PRAMEF15: variants seen among roughly 807,000 people sequenced by gnomAD.
PRAMEF15 encodes PRAME family member 9/15.
A neutral mutation model predicts 35.3 loss-of-function variants in PRAMEF15; 21 were observed. The ratio of observed to expected loss-of-function variants is 0.59; its 90% CI spans 0.42 to 0.86. The LOEUF (loss-of-function observed/expected upper bound fraction) is 0.86. Ranked by LOEUF, PRAMEF15 falls within the 40% of genes least tolerant of loss-of-function variation. The pLI, the probability that PRAMEF15 is intolerant of heterozygous loss-of-function variation, is 0.00. For missense variants in PRAMEF15, 360 were observed against 574.1 expected, an observed-to-expected ratio of 0.63 and a Z score of 3.81; for synonymous variants, 122 against 223.3, an observed-to-expected ratio of 0.55 and a Z score of 4.05.
chr1:13,319,048 G>T (rs1640044677), intron 2 of PRAMEF15, among the ~76,000 whole-genome samples: 1 of 152,114 alleles, frequency 6.6e-6, no homozygotes, highest in Non-Finnish European at 1.5e-5. Flanking sequence ...ACAAAAATTA[G>T]CTGGGCATGG....
chr1:13,317,636 G>T (rs1640023520), intron 1 of PRAMEF15, among the ~76,000 whole-genome samples: 1 of 151,808 alleles, frequency 6.6e-6, no homozygotes, highest in East Asian at 1.9e-4. Context: ...GATGAGCTGG[G>T]TGTGGTGATG....
chr1:13,321,617 C>A (rs1640084606), intron 3 of PRAMEF15, 86 bp from the exon 4 acceptor site: 4 of 1,336,566 alleles, frequency 3.0e-6, no homozygotes, highest in South Asian at 1.2e-5. Flanking sequence ...AAAAAGGTCT[C>A]CATCCATTAC....
At position 13,321,846 on chromosome 1, in the gene PRAMEF15, T is replaced by C. The variant is rs1489605097; in HGVS notation, c.1019T>C (p.Leu340Pro). Residue 340 changes from leucine (L) to proline (P), a missense_variant, in exon 4 of 4, where the codon CTT (leucine) becomes CCT (proline). Coordinates refer to ENST00000376152, the MANE Select transcript of PRAMEF15 (RefSeq NM_001098376.3). ...GGCATCAGACTGACCAATTATAGTC[T>C]TGTGCCTCTCCAAATTCTCCTAGAA... ...LSGIRLTNYSLVPLQILLEKV... is the reference protein window; with the variant it reads ...LSGIRLTNYSPVPLQILLEKV... The C allele has an allele frequency of 6.2e-7, 1 of 1,608,050 alleles. No homozygotes were observed. Among genetic ancestry groups the C allele is most frequent in the Admixed American group, 1.7e-5 (1 of 59,736 alleles).
Position 13,316,633 on chromosome 1 carries a change from C to T in PRAMEF15, c.-17+975C>T, listed in dbSNP as rs1399009646. Among the ~76,000 whole-genome samples, 279 of 151,726 alleles carry T rather than the reference C, an allele frequency of 1.8e-3. 4 individuals carry two copies. Among genetic ancestry groups the T allele is most frequent in the African/African-American group, 6.4e-3 (266 of 41,304 alleles). On this transcript the variant is annotated intron_variant, in intron 1 of 3. Transcript: ENST00000376152. ...TGGTGCCACTGCATTCCAGCTTGGG[C>T]GACGATGTGAGACTCAGCTCCCTCA...
intron 3 of PRAMEF15, among the ~76,000 whole-genome samples, chr1:13,321,354 G>A (rs1233132498): frequency 1.3e-5 from 2 of 151,048 alleles, no homozygotes; most frequent in African/African-American, 2.4e-5. Flanking sequence ...AGCTGGAATT[G>A]CAGGCTCCCG....
Position 13,318,598 on chromosome 1 carries a change from G to T in PRAMEF15, c.191G>T (p.Arg64Leu), listed in dbSNP as rs1472959485. ...LKLMVQAWPF[R>L]RLPLRPLIKM... ...CTGATGGTGCAGGCCTGGCCCTTCCGCCGCCTCCCTCTGAGGCCTCTGATA... is the reference window on the plus strand; with the variant it reads ...CTGATGGTGCAGGCCTGGCCCTTCCTCCGCCTCCCTCTGAGGCCTCTGATA... The change falls in exon 2 of 4, where the codon CGC (arginine) becomes CTC (leucine). Residue 64 changes from arginine to leucine, a missense_variant. Physicochemically the swap from Arg to Leu is moderately radical, Grantham distance 102. Transcript: ENST00000376152. The T allele has an allele frequency of 6.3e-7, 1 of 1,576,758 alleles. No homozygotes were observed. Among genetic ancestry groups the T allele is most frequent in the Non-Finnish European group, 8.7e-7 (1 of 1,151,100 alleles).
intron 2 of PRAMEF15, among the ~76,000 whole-genome samples, chr1:13,319,129 G>A (rs1215039329): frequency 6.6e-6 from 1 of 151,540 alleles, no homozygotes; most frequent in African/African-American, 2.4e-5. Context: ...GGGAAGCAGA[G>A]GTTGCAGTGA....
Position 13,318,708 on chromosome 1 carries a change from GGCCCA to G in PRAMEF15, c.293+10_293+14del, listed in dbSNP as rs1300504353. Reference sequence around the variant, plus strand: ...CCAAGGGGTTCGTCCCAGGTGAGGTGGCCCAGGTGGGCTGGTGGGGAGGGCCCAGG... The same window carrying G: ...CCAAGGGGTTCGTCCCAGGTGAGGTGGGTGGGCTGGTGGGGAGGGCCCAGG... On this transcript the variant is annotated intron_variant, in intron 2 of 3. Transcript: ENST00000376152. 6.2e-7 allele frequency: 1 copy of G among 1,613,320 alleles called. No individual in the cohort carries two copies. Among genetic ancestry groups the G allele is most frequent in the African/African-American group, 1.3e-5 (1 of 74,906 alleles).
intron 1 of PRAMEF15, among the ~76,000 whole-genome samples, chr1:13,317,171 G>C (rs1374216385): frequency 1.3e-5 from 2 of 151,638 alleles, no homozygotes; most frequent in Non-Finnish European, 2.9e-5. Context: ...CTGGGTTCAA[G>C]TGATCCTCCT....
In PRAMEF15 at chr1:13,317,527, G is replaced by A. The variant is rs1277477168; in HGVS notation, c.-16-865G>A. Among the ~76,000 whole-genome samples, 50 of 152,078 alleles carry A rather than the reference G, an allele frequency of 3.3e-4. No individual in the cohort carries two copies. The South Asian group carries it at 0.01, about 32-fold the overall frequency. Reference sequence around the variant, plus strand: ...TCACACCTATAATCCCAGTATGTTGGGAGGCCAAGAGGGGTAGATTGCTTG... The same window carrying A: ...TCACACCTATAATCCCAGTATGTTGAGAGGCCAAGAGGGGTAGATTGCTTG... On this transcript the variant is annotated intron_variant, in intron 1 of 3. Coordinates refer to ENST00000376152, the MANE Select transcript of PRAMEF15 (RefSeq NM_001098376.3).
At chr1:13,319,175 C>A (rs2100320781) in intron 2 of PRAMEF15, among the ~76,000 whole-genome samples, 197 bp from the exon 3 acceptor site, 1 of 145,910 alleles carries the variant, frequency 6.9e-6, no homozygotes, top group African/African-American at 2.6e-5. Flanking sequence ...GCCTGGGCGA[C>A]ACAGGGAGAC....
rs1281340697 is a variant in PRAMEF15, at chr1:13,316,597, G to A, written c.-17+939G>A. Reference sequence around the variant, plus strand: ...TTGAATCTTGGAGGCCGAGGTAACAGTGAGCCAAGATGGTGCCACTGCATT... The same window carrying A: ...TTGAATCTTGGAGGCCGAGGTAACAATGAGCCAAGATGGTGCCACTGCATT... On this transcript the variant is annotated intron_variant, in intron 1 of 3. Transcript: ENST00000376152. Among the ~76,000 whole-genome samples the A allele has an allele frequency of 2.1e-4, 32 of 152,068 alleles. 1 individual carries two copies. Among genetic ancestry groups the A allele is most frequent in the Non-Finnish European group, 4.1e-4 (28 of 68,014 alleles).
intron 3 of PRAMEF15, 51 bp downstream of exon 3, chr1:13,320,004 A>G (rs1312783923): frequency 2.5e-5 from 41 of 1,608,786 alleles, no homozygotes; most frequent in Admixed American, 5.0e-5. Context: ...AGCCTGTTAC[A>G]GTCAACACTA....
chr1:13,316,910 T>A (rs1259232854), intron 1 of PRAMEF15, among the ~76,000 whole-genome samples: 1 of 150,226 alleles, frequency 6.7e-6, no homozygotes, highest in Admixed American at 6.6e-5. Context: ...TTAGTAAAAC[T>A]CCATGTTTGT....
At chr1:13,318,098 T>A (rs1230314746) in intron 1 of PRAMEF15, among the ~76,000 whole-genome samples, 1 of 151,290 alleles carries the variant, frequency 6.6e-6, no homozygotes, top group East Asian at 2.0e-4. Flanking sequence ...TTTCCCCCAA[T>A]GGTAGGAGGG....
At chr1:13,318,094 C>G (rs1279518273) in intron 1 of PRAMEF15, among the ~76,000 whole-genome samples, 1 of 151,878 alleles carries the variant, frequency 6.6e-6, no homozygotes, top group Non-Finnish European at 1.5e-5. Flanking sequence ...GTAATTTCCC[C>G]CAATGGTAGG....
intron 1 of PRAMEF15, among the ~76,000 whole-genome samples, chr1:13,316,912 C>G (rs1264974695): frequency 6.7e-6 from 1 of 150,112 alleles, no homozygotes; most frequent in Non-Finnish European, 1.5e-5. Flanking sequence ...AGTAAAACTC[C>G]ATGTTTGTGA....
chr1:13,319,358 C>T lies in PRAMEF15; in HGVS notation c.294-14C>T, dbSNP rs1402149538. On this transcript the variant is annotated splice_polypyrimidine_tract_variant and intron_variant, in intron 2 of 3. Coordinates refer to ENST00000376152, the MANE Select transcript of PRAMEF15 (RefSeq NM_001098376.3). Reference sequence around the variant, plus strand: ...AGTTCTTAAATTCTCAGTCTCACCTCTATTTTGCCACAGGAGGTGGAAACT... The same window carrying T: ...AGTTCTTAAATTCTCAGTCTCACCTTTATTTTGCCACAGGAGGTGGAAACT... 6.2e-7 allele frequency: 1 copy of T among 1,609,444 alleles called. No individual in the cohort carries two copies. Among genetic ancestry groups the T allele is most frequent in the Non-Finnish European group, 8.5e-7 (1 of 1,179,766 alleles).
Position 13,318,602 on chromosome 1 carries a change from C to A in PRAMEF15, c.195C>A (p.Arg65=), listed in dbSNP as rs1193928599. 1,104 of 1,613,832 alleles carry A rather than the reference C, an allele frequency of 6.8e-4. 10 individuals carry two copies. In the East Asian group the frequency reaches 0.022, roughly 32 times the overall value. ...TGGTGCAGGCCTGGCCCTTCCGCCG[C>A]CTCCCTCTGAGGCCTCTGATAAAGA... ...KLMVQAWPFR[R]LPLRPLIKMP... Residue 65 remains arginine, a synonymous_variant, in exon 2 of 4, where the codon CGC becomes CGA. Transcript: ENST00000376152.
Sources: allele counts gnomAD v4.1 joint callset (sites outside exome capture counted in the v4.1 genomes callset), GRCh38; gene constraint gnomAD v4.1.1; transcripts MANE v1.5; gene names NCBI Gene and HGNC (gene_info 2026-07-23, HGNC 2026-07-21).